Variants in STAU2 observed in about 807,000 individuals in gnomAD.
STAU2 encodes the protein double-stranded RNA-binding protein Staufen homolog 2.
STAU2 carries 20 observed loss-of-function variants against 65.9 expected under a neutral mutation model. The observed-to-expected ratio is 0.30, with a 90% confidence interval of 0.21 to 0.44. The LOEUF (loss-of-function observed/expected upper bound fraction) is 0.44, where lower values mean the gene tolerates loss of function less well. STAU2 is among the 20% of genes least tolerant of loss of function. STAU2 has a pLI of 1.00. For missense variants in STAU2, 558 were observed against 683.9 expected (o/e 0.82, Z 2.05); for synonymous variants, 232 against 233.9 (o/e 0.99, Z 0.07).
chr8:73,486,811 C>T (rs1239247291), intron 13 of STAU2, among the ~76,000 whole-genome samples: 4 of 151,632 alleles, frequency 2.6e-5, no homozygotes, highest in East Asian at 3.9e-4. Flanking sequence ...TGCCACCACA[C>T]CTGGATGATT....
chr8:73,546,853 TTA>T (rs919010826), intron 13 of STAU2, among the ~76,000 whole-genome samples: 1 of 152,202 alleles, frequency 6.6e-6, no homozygotes, highest in African/African-American at 2.4e-5. Context: ...CCATAATTAA[TTA>T]TATGTCAGGA....
At chr8:73,464,556 T>G (rs1819544849) in intron 13 of STAU2, among the ~76,000 whole-genome samples, 1 of 151,858 alleles carries the variant, frequency 6.6e-6, no homozygotes, top group Non-Finnish European at 1.5e-5. Context: ...AGCATTGGAT[T>G]TAAATACGCA....
intron 13 of STAU2, among the ~76,000 whole-genome samples, chr8:73,490,203 C>T (rs1041823265): frequency 7.9e-5 from 12 of 152,092 alleles, no homozygotes; most frequent in Middle Eastern, 6.8e-3. Context: ...AGGGGAGCTT[C>T]GCATAAGATT....
chr8:73,442,822 A>G (rs946825494), intron 13 of STAU2, among the ~76,000 whole-genome samples: 1 of 152,200 alleles, frequency 6.6e-6, no homozygotes, highest in Admixed American at 6.5e-5. Context: ...GTATTACGAG[A>G]CAGAGAATTT....
chr8:73,646,935 C>CCCCACACACACACA (rs1815419262), intron 6 of STAU2, among the ~76,000 whole-genome samples: 2 of 89,368 alleles, frequency 2.2e-5, no homozygotes, highest in African/African-American at 8.5e-5. Context: ...AGACACACAG[C>CCCCACACACACACA]CAGACACACA....
intron 12 of STAU2, among the ~76,000 whole-genome samples, chr8:73,561,900 A>G (rs1368801163): frequency 6.6e-6 from 1 of 152,202 alleles, no homozygotes; most frequent in African/African-American, 2.4e-5. Context: ...AGGCCCTAAG[A>G]CACAGGTGAT....
chr8:73,714,635 G>A (rs994273140), intron 3 of STAU2, among the ~76,000 whole-genome samples: 1 of 152,020 alleles, frequency 6.6e-6, no homozygotes, highest in African/African-American at 2.4e-5. Flanking sequence ...GGCCTTCCTA[G>A]ATATGAAAAG....
chr8:73,676,671 T>C lies in STAU2; in HGVS notation c.275-3429A>G, dbSNP rs1228261855. On this transcript the variant is annotated intron_variant, in intron 5 of 14. Coordinates refer to ENST00000524300, the MANE Select transcript of STAU2 (RefSeq NM_001164380.2). ...AGTGCAGTGGTGCAATCTCAGCTCA[T>C]TGCAACCTCCGCCTCCCAGGTTCAA... Among the ~76,000 whole-genome samples, 6 of 152,176 alleles carry C rather than the reference T, an allele frequency of 3.9e-5. No individual in the cohort carries two copies. In the East Asian group the frequency reaches 9.6e-4, roughly 24 times the overall value.
chr8:73,508,382 G>A (rs1211513327), intron 13 of STAU2, among the ~76,000 whole-genome samples: 1 of 152,114 alleles, frequency 6.6e-6, no homozygotes, highest in African/African-American at 2.4e-5. Flanking sequence ...GAGAGATGGG[G>A]GAATGGGTGG....
chr8:73,696,791 T>C (rs1321909068), intron 4 of STAU2, among the ~76,000 whole-genome samples: 1 of 151,806 alleles, frequency 6.6e-6, no homozygotes, highest in Non-Finnish European at 1.5e-5. Flanking sequence ...AAAGAAAAGG[T>C]AGAAAAAGAG....
At chr8:73,746,681 TC>T in intron 1 of STAU2, 101 bp downstream of exon 1, 1 of 690,100 alleles carries the variant, frequency 1.4e-6, no homozygotes, top group Non-Finnish European at 2.0e-6. Flanking sequence ...TTCTCCGGGT[TC>T]CCCGTGCTGC....
At chr8:73,715,082 CAA>C (rs1157510263) in intron 3 of STAU2, among the ~76,000 whole-genome samples, 3 of 83,832 alleles carry the variant, frequency 3.6e-5, no homozygotes, top group Non-Finnish European at 5.3e-5. Flanking sequence ...GACTCCGTCT[CAA>C]AAAAAAAAAA....
intron 13 of STAU2, among the ~76,000 whole-genome samples, chr8:73,500,587 T>TA (rs1286212162): frequency 6.6e-6 from 1 of 151,828 alleles, no homozygotes; most frequent in Admixed American, 6.6e-5. Context: ...TTGTGCACTT[T>TA]AAAAAAATAG....
intron 13 of STAU2, among the ~76,000 whole-genome samples, chr8:73,449,862 T>C (rs548832634): frequency 6.6e-6 from 1 of 152,180 alleles, no homozygotes; most frequent in Non-Finnish European, 1.5e-5. Context: ...TACTCCTGCC[T>C]CTGGCAGGAG....
intron 13 of STAU2, among the ~76,000 whole-genome samples, chr8:73,447,128 T>G (rs1231711342): frequency 6.6e-6 from 1 of 152,084 alleles, no homozygotes; most frequent in African/African-American, 2.4e-5. Context: ...GTATTTTCAG[T>G]AGAGACAGGG....
At position 73,552,150 on chromosome 8, in the gene STAU2, A is replaced by G. The variant is rs1183821593; in HGVS notation, c.1392T>C (p.Ile464=). ...ISPTSNSSAT[I]ARELLMNGTS... ...TTCCATTCATAAGGAGTTCCCTGGC[A>G]ATTGTAGCTGAACTATTCGATGTGG... is the stretch of plus-strand genomic sequence containing the variant. The change falls in exon 13 of 15, where the codon ATT becomes ATC. Residue 464 remains isoleucine (I), a synonymous_variant. Transcript: ENST00000524300. 1.2e-6 allele frequency: 2 copies of G among 1,614,000 alleles called. No individual in the cohort carries two copies. The highest frequency in any genetic ancestry group is 1.7e-6 in the Non-Finnish European group (2 of 1,179,882).
rs1233116851 is a variant in STAU2 at position 73,643,693 on chromosome 8, C to T, written c.411-26242G>A. ...GGGAACACAGACTAGGAACTACTGCCGTGTTTGAAAATGCCCCCATGTTTG... is the reference window on the plus strand; with the variant it reads ...GGGAACACAGACTAGGAACTACTGCTGTGTTTGAAAATGCCCCCATGTTTG... On this transcript the variant is annotated intron_variant, in intron 6 of 14. Coordinates refer to ENST00000524300, the MANE Select transcript of STAU2 (RefSeq NM_001164380.2). Among the ~76,000 whole-genome samples the T allele has an allele frequency of 5.3e-5, 8 of 152,280 alleles. No homozygotes were observed. The East Asian group carries it at 5.8e-4, about 11-fold the overall frequency.
intron 12 of STAU2, among the ~76,000 whole-genome samples, chr8:73,560,663 C>A (rs1402109476): frequency 2.6e-5 from 4 of 152,102 alleles, no homozygotes; most frequent in Admixed American, 2.6e-4. Flanking sequence ...GTCTTGCCCC[C>A]AAAAAGGCAG....
chr8:73,470,553 T>C (rs555314105), intron 13 of STAU2, among the ~76,000 whole-genome samples: 34 of 152,216 alleles, frequency 2.2e-4, no homozygotes, highest in African/African-American at 6.5e-4. Flanking sequence ...ATCCCAACAA[T>C]TTGGGAGGCC....
Sources: allele counts gnomAD v4.1 joint callset (sites outside exome capture counted in the v4.1 genomes callset), GRCh38; gene constraint gnomAD v4.1.1; transcripts MANE v1.5; gene names NCBI Gene and HGNC (gene_info 2026-07-23, HGNC 2026-07-21).